RAP1GAP2: variants seen among roughly 807,000 people sequenced by gnomAD.
RAP1GAP2 encodes the protein RAP1 GTPase activating protein 2.
In RAP1GAP2, 27 loss-of-function variants were observed where a neutral mutation model predicts 95.0. That is an observed-to-expected ratio of 0.28 (90% confidence interval 0.21 to 0.39). The LOEUF is 0.39. Ranked by LOEUF, RAP1GAP2 falls within the 10% of genes least tolerant of loss-of-function variation. The probability of loss-of-function intolerance (pLI) is 1.00; values close to 1 mark genes in which losing one functional copy is unlikely to be tolerated. For missense variants in RAP1GAP2, 771 were observed against 970.0 expected, an observed-to-expected ratio of 0.79 and a Z score of 2.72; for synonymous variants, 373 against 380.9, an observed-to-expected ratio of 0.98 and a Z score of 0.24.
At chr17:2,889,514 G>C (rs1047332536) in intron 2 of RAP1GAP2, among the ~76,000 whole-genome samples, 8 of 152,046 alleles carry the variant, frequency 5.3e-5, no homozygotes, top group African/African-American at 1.9e-4. Flanking sequence ...CCCGGCGGCT[G>C]AGCCCTCTTT....
chr17:2,796,220 A>T (rs1394690011), upstream of RAP1GAP2, among the ~76,000 whole-genome samples: 1 of 152,112 alleles, frequency 6.6e-6, no homozygotes, highest in African/African-American at 2.4e-5. This position sits in a 1 kb window ranked among gnomAD's most constrained non-coding sequence, Gnocchi z 4.7. Context: ...CCGGGCTGCT[A>T]ACTGGGGCTG....
At chr17:2,873,988 C>T (rs1366360893) in intron 2 of RAP1GAP2, among the ~76,000 whole-genome samples, 3 of 151,826 alleles carry the variant, frequency 2.0e-5, no homozygotes, top group Non-Finnish European at 4.4e-5. Context: ...GTTGGCCAGG[C>T]TGGTCTTGAA....
At chr17:2,812,478 C>G (rs2069810756) in intron 2 of RAP1GAP2, among the ~76,000 whole-genome samples, 1 of 152,148 alleles carries the variant, frequency 6.6e-6, no homozygotes, top group Non-Finnish European at 1.5e-5. Flanking sequence ...GCTCTGCCTT[C>G]CCTATTACTA....
In RAP1GAP2 at chr17:3,030,979, G is replaced by T; in HGVS notation, c.2165G>T (p.Ser722Ile). 3.7e-6 allele frequency: 6 copies of T among 1,609,158 alleles called. No homozygotes were observed. The highest frequency in any genetic ancestry group is 5.1e-6 in the Non-Finnish European group (6 of 1,177,812). Reference protein sequence around the residue: ...SNLKFRFDKLSHASSGAGH With the variant: ...SNLKFRFDKLIHASSGAGH ...CTGAAATTCCGCTTTGACAAGCTCA[G>T]CCATGCCAGCTCTGGTGCGGTAAGG... Residue 722 changes from serine to isoleucine, a missense_variant, in exon 23 of 25, where the codon AGC becomes ATC. Ser to Ile is a moderately radical substitution (Grantham distance 142). Coordinates refer to ENST00000254695, the MANE Select transcript of RAP1GAP2 (RefSeq NM_015085.5).
rs564948275 is a variant in RAP1GAP2 at position 2,923,327 on chromosome 17, C to T, written c.165+17959C>T. Among the ~76,000 whole-genome samples the T allele has an allele frequency of 3.5e-4, 51 of 145,820 alleles. No homozygotes were observed. In the South Asian group the frequency reaches 7.5e-3, roughly 21 times the overall value. On this transcript the variant is annotated intron_variant, in intron 3 of 24. Transcript: ENST00000254695. Reference sequence around the variant, plus strand: ...TGCTGGGGTTACAGGTGTGAGCCACCGCGCCCGGCCTTTTTTTTTTTTGAG... The same window carrying T: ...TGCTGGGGTTACAGGTGTGAGCCACTGCGCCCGGCCTTTTTTTTTTTTGAG...
chr17:2,884,826 G>T (rs1369599761), intron 2 of RAP1GAP2, among the ~76,000 whole-genome samples: 1 of 152,132 alleles, frequency 6.6e-6, no homozygotes, highest in Non-Finnish European at 1.5e-5. Context: ...AACTGTGCTT[G>T]GCAGAGGAAG....
upstream of RAP1GAP2, among the ~76,000 whole-genome samples, chr17:2,774,970 G>A (rs1409981375): frequency 6.7e-6 from 1 of 149,546 alleles, no homozygotes; most frequent in Non-Finnish European, 1.5e-5. Flanking sequence ...ACAGGCATGC[G>A]CCAATATGCC....
intron 3 of RAP1GAP2, among the ~76,000 whole-genome samples, chr17:2,946,613 A>G (rs1331733835): frequency 6.6e-6 from 1 of 152,186 alleles, no homozygotes; most frequent in Non-Finnish European, 1.5e-5. Flanking sequence ...CTGCTCTGGT[A>G]TCTCTGCTGA....
Position 2,800,495 on chromosome 17 carries a change from C to G in RAP1GAP2, c.45-20C>G. ...CTTCAGCCTCAGCACTGACCGGAGC[C>G]CTTGCTTTTCTCTTGGCAGGATCGA... On this transcript the variant is annotated intron_variant, in intron 1 of 24. Transcript: ENST00000254695. 1 of 1,611,066 alleles carries G rather than the reference C, an allele frequency of 6.2e-7. No homozygotes were observed. The highest frequency in any genetic ancestry group is 2.2e-5 in the East Asian group (1 of 44,812).
chr17:3,020,747 C>A (rs569517434), intron 19 of RAP1GAP2, among the ~76,000 whole-genome samples, 152 bp downstream of exon 19: 5 of 152,350 alleles, frequency 3.3e-5, no homozygotes, highest in African/African-American at 1.2e-4. Flanking sequence ...TGTCCCCTGT[C>A]ACTCACTCAG....
At chr17:2,967,705 A>G (rs966341100) in intron 8 of RAP1GAP2, among the ~76,000 whole-genome samples, 11 of 152,174 alleles carry the variant, frequency 7.2e-5, no homozygotes, top group African/African-American at 2.7e-4. Flanking sequence ...TGGAAACCAG[A>G]CATAAGAAAT....
chr17:2,933,832 A>G (rs1026327896), intron 3 of RAP1GAP2, among the ~76,000 whole-genome samples: 9 of 152,270 alleles, frequency 5.9e-5, no homozygotes, highest in African/African-American at 1.7e-4. Flanking sequence ...TGGAAGTTTC[A>G]GGTTGAAGAC....
At chr17:2,973,115 A>G (rs1372383965) in intron 8 of RAP1GAP2, among the ~76,000 whole-genome samples, 2 of 152,134 alleles carry the variant, frequency 1.3e-5, no homozygotes, top group Non-Finnish European at 2.9e-5. Flanking sequence ...AGAAGTAAGA[A>G]AAGGCTAGAT....
At chr17:2,959,161 CT>C (rs2044222544) in intron 4 of RAP1GAP2, among the ~76,000 whole-genome samples, 2 of 152,290 alleles carry the variant, frequency 1.3e-5, no homozygotes, top group South Asian at 4.1e-4. Flanking sequence ...TCTCCGGTTG[CT>C]CCTCAGATCC....
chr17:2,838,705 A>G (rs1340293729), intron 2 of RAP1GAP2, among the ~76,000 whole-genome samples: 6 of 152,266 alleles, frequency 3.9e-5, no homozygotes, highest in South Asian at 4.1e-4. Context: ...GGGAGATGAC[A>G]TTTGGTGGTA....
chr17:2,948,445 G>T (rs987308482), intron 3 of RAP1GAP2, among the ~76,000 whole-genome samples: 9 of 151,760 alleles, frequency 5.9e-5, no homozygotes, highest in Admixed American at 5.9e-4. Context: ...GCTGGGGTGC[G>T]GCAAGAGGGA....
intron 3 of RAP1GAP2, among the ~76,000 whole-genome samples, chr17:2,928,314 T>C (rs2043032437): frequency 6.6e-6 from 1 of 152,218 alleles, no homozygotes; most frequent in South Asian, 2.1e-4. Context: ...GGTTCCCACA[T>C]TGATAATGAC....
In RAP1GAP2 at chr17:2,816,656, A is replaced by G. The variant is rs976707544; in HGVS notation, c.80+16106A>G. On this transcript the variant is annotated intron_variant, in intron 2 of 24. Transcript: ENST00000254695. The stretch of plus-strand genomic sequence containing the variant: ...AAAACTGTGTTAAAATATACATATT[A>G]TAAAACTTACCATTTAAAGCATTTT... Among the ~76,000 whole-genome samples the G allele has an allele frequency of 5.1e-5, 3 of 58,528 alleles. 1 individual carries two copies. The highest frequency in any genetic ancestry group is 1.3e-4 in the African/African-American group (3 of 22,486). 38.4% of individuals were successfully genotyped at this position (58,528 alleles called of 152,430 possible).
intron 2 of RAP1GAP2, among the ~76,000 whole-genome samples, chr17:2,805,136 C>T (rs1298231173): frequency 3.9e-5 from 6 of 152,132 alleles, no homozygotes; most frequent in Admixed American, 3.9e-4. Context: ...CTGAATGAAT[C>T]AACATGTGTC....
Sources: allele counts gnomAD v4.1 joint callset (sites outside exome capture counted in the v4.1 genomes callset), GRCh38; gene constraint gnomAD v4.1.1; non-coding constraint Gnocchi (gnomAD v3.1); transcripts MANE v1.5; gene names NCBI Gene and HGNC (gene_info 2026-07-23, HGNC 2026-07-21).